The following CSMD3 variants were observed in gnomAD, a reference collection of about 807,000 sequenced individuals.
CSMD3 encodes CUB and sushi domain-containing protein 3.
Under a neutral mutation model 435.2 loss-of-function variants are expected in CSMD3, and 177 were observed. The ratio of observed to expected loss-of-function variants is 0.41; its 90% confidence interval spans 0.36 to 0.46. CSMD3 has a LOEUF of 0.46. CSMD3 is among the 20% of genes least tolerant of loss of function. The pLI, the probability that CSMD3 is intolerant of heterozygous loss-of-function variation, is 0.34. For synonymous variants in CSMD3, 1,656 were observed against 1,520.5 expected, an observed-to-expected ratio of 1.09 and a Z score of -2.07; for missense variants, 4,265 against 4,504.6, an observed-to-expected ratio of 0.95 and a Z score of 1.52.
intron 11 of CSMD3, among the ~76,000 whole-genome samples, chr8:112,840,010 G>T (rs189630496): frequency 2.0e-5 from 3 of 151,758 alleles, no homozygotes; most frequent in African/African-American, 4.8e-5. Flanking sequence ...TTTAAACAAG[G>T]TTATTGAGTA....
At chr8:112,906,269 T>A (rs2082259217) in intron 10 of CSMD3, among the ~76,000 whole-genome samples, 1 of 151,346 alleles carries the variant, frequency 6.6e-6, no homozygotes, top group African/African-American at 2.4e-5. Flanking sequence ...AACAATCCTA[T>A]GAAGTATTCA....
chr8:112,343,205 G>A (rs1444998076), intron 41 of CSMD3, among the ~76,000 whole-genome samples: 2 of 151,406 alleles, frequency 1.3e-5, no homozygotes, highest in African/African-American at 2.4e-5. Context: ...GCCAGAAATT[G>A]AAGATCATGT....
intron 3 of CSMD3, among the ~76,000 whole-genome samples, chr8:113,235,906 C>G (rs1053620648): frequency 6.6e-6 from 1 of 152,044 alleles, no homozygotes; most frequent in Non-Finnish European, 1.5e-5. Context: ...GTTACAGGTC[C>G]CTGATACCCA....
intron 6 of CSMD3, among the ~76,000 whole-genome samples, chr8:113,007,925 G>A (rs1401091270): frequency 6.6e-6 from 1 of 151,720 alleles, no homozygotes; most frequent in South Asian, 2.1e-4. Flanking sequence ...GATAGTATTA[G>A]AGGACACTAT....
chr8:113,317,725 G>A (rs1164495868), intron 1 of CSMD3, among the ~76,000 whole-genome samples: 1 of 151,988 alleles, frequency 6.6e-6, no homozygotes, highest in Non-Finnish European at 1.5e-5. Flanking sequence ...GCTTCACAGG[G>A]TTGGTCATTT....
chr8:113,319,629 G>A (rs934241926), intron 1 of CSMD3, among the ~76,000 whole-genome samples: 2 of 151,930 alleles, frequency 1.3e-5, no homozygotes, highest in African/African-American at 4.8e-5. Flanking sequence ...AAAATTAATT[G>A]CCAAAGCCAA....
intron 13 of CSMD3, among the ~76,000 whole-genome samples, chr8:112,745,935 T>C (rs1323065993): frequency 6.6e-6 from 1 of 152,182 alleles, no homozygotes; most frequent in African/African-American, 2.4e-5. Flanking sequence ...TTTTTCTTAA[T>C]ACAGGTAATT....
At chr8:112,934,810 G>A (rs1057315835) in intron 9 of CSMD3, among the ~76,000 whole-genome samples, 8 of 152,124 alleles carry the variant, frequency 5.3e-5, no homozygotes, top group Non-Finnish European at 5.9e-5. Flanking sequence ...AACTTTGCAC[G>A]TCACTCTGTG....
At chr8:113,071,966 C>T (rs1329413684) in intron 5 of CSMD3, among the ~76,000 whole-genome samples, 1 of 151,688 alleles carries the variant, frequency 6.6e-6, no homozygotes, top group Non-Finnish European at 1.5e-5. Flanking sequence ...TTTCATTTAT[C>T]TGTGTCTTCT....
intron 6 of CSMD3, among the ~76,000 whole-genome samples, chr8:113,012,478 C>T (rs1033389524): frequency 3.3e-5 from 5 of 151,778 alleles, no homozygotes; most frequent in African/African-American, 4.8e-5. Context: ...CCTGTAATCC[C>T]GATATGTTAA....
At chr8:113,263,086 T>C (rs67052461) in intron 3 of CSMD3, among the ~76,000 whole-genome samples, 15,819 of 151,982 alleles carry the variant, frequency 0.1, 960 homozygotes, top group Middle Eastern at 0.17. Flanking sequence ...TAATACTGCA[T>C]AAAGGATAGT....
intron 13 of CSMD3, among the ~76,000 whole-genome samples, chr8:112,730,959 G>A (rs1587107930): frequency 1.3e-5 from 2 of 152,074 alleles, no homozygotes; most frequent in East Asian, 3.9e-4. Context: ...GGAAATGTAT[G>A]CAAAGAATGA....
In CSMD3 at chr8:113,330,905, C is replaced by T. The variant is rs116756597; in HGVS notation, c.179-16112G>A. Among the ~76,000 whole-genome samples the T allele has an allele frequency of 7.9e-3, 1,194 of 151,814 alleles. 20 individuals are homozygous for T. Among genetic ancestry groups the T allele is most frequent in the African/African-American group, 0.027 (1,123 of 41,508 alleles). ...CATATCAGCAAAGATATAAAATACT[C>T]GAGCAAGACCAGAAGCCAACTAAGC... is the stretch of plus-strand genomic sequence containing the variant. On this transcript the variant is annotated intron_variant, in intron 1 of 70. Transcript: ENST00000297405.
intron 13 of CSMD3, among the ~76,000 whole-genome samples, chr8:112,777,955 T>A (rs1184777988): frequency 2.0e-5 from 3 of 151,864 alleles, no homozygotes; most frequent in African/African-American, 7.2e-5. Context: ...ACAGCCACCT[T>A]AAGCTTTCCA....
chr8:112,783,915 G>A (rs747878081), intron 13 of CSMD3, among the ~76,000 whole-genome samples: 1 of 151,672 alleles, frequency 6.6e-6, no homozygotes, highest in Non-Finnish European at 1.5e-5. Flanking sequence ...ACATATATAT[G>A]TACTCAACAC....
intron 4 of CSMD3, among the ~76,000 whole-genome samples, chr8:113,118,864 G>A (rs2090909570): frequency 6.6e-6 from 1 of 152,082 alleles, no homozygotes; most frequent in African/African-American, 2.4e-5. Context: ...GGATTGAGAA[G>A]GCACTCTCAG....
chr8:112,644,793 A>G (rs2074933254), intron 20 of CSMD3, among the ~76,000 whole-genome samples: 1 of 152,114 alleles, frequency 6.6e-6, no homozygotes, highest in Admixed American at 6.5e-5. Flanking sequence ...CCATTTCTTA[A>G]CACTATGCCA....
chr8:112,850,506 T>A (rs80120882), intron 11 of CSMD3, among the ~76,000 whole-genome samples: 2 of 152,196 alleles, frequency 1.3e-5, no homozygotes, highest in Non-Finnish European at 1.5e-5. Context: ...TGAATGTTGG[T>A]TGATATTTAA....
At chr8:113,114,244 C>A (rs2090755376) in intron 4 of CSMD3, among the ~76,000 whole-genome samples, 1 of 152,056 alleles carries the variant, frequency 6.6e-6, no homozygotes, top group Admixed American at 6.6e-5. Flanking sequence ...TAGGAAGCCA[C>A]TGCTGAACTT....
Sources: gnomAD v4.1 joint callset for allele counts (sites outside exome capture counted in the v4.1 genomes callset) on GRCh38, gnomAD v4.1.1 for gene constraint, MANE v1.5 for transcripts, NCBI Gene and HGNC (gene_info 2026-07-23, HGNC 2026-07-21) for gene names.